The following CA13 variants were observed in gnomAD, a reference collection of about 807,000 sequenced individuals.
The protein encoded by CA13 is carbonic anhydrase 13.
Under a neutral mutation model 31.5 loss-of-function variants are expected in CA13, and 21 were observed. The ratio of observed to expected loss-of-function variants is 0.67; its 90% CI spans 0.47 to 0.96. CA13 has a LOEUF of 0.96. CA13 is among the 40% of genes least tolerant of loss of function. The pLI is 0.00. For missense variants in CA13, 315 were observed against 318.9 expected (o/e 0.99, Z 0.09); for synonymous variants, 117 against 111.4 (o/e 1.05, Z -0.32).
At chr8:85,245,968 G>A in intron 1 of CA13, 103 bp downstream of exon 1, 1 of 1,369,592 alleles carries the variant, frequency 7.3e-7, no homozygotes. Context: ...CGCACATTGA[G>A]AAACTTTTTC....
chr8:85,274,768 C>T (rs1162243186), intron 6 of CA13, among the ~76,000 whole-genome samples: 1 of 152,052 alleles, frequency 6.6e-6, no homozygotes. Flanking sequence ...GTGCAATAAC[C>T]CCATGAACCA....
In CA13 at chr8:85,250,811, A is replaced by G. The variant is rs763178551; in HGVS notation, c.109A>G (p.Lys37Glu). 3 of 1,613,898 alleles carry G rather than the reference A, an allele frequency of 1.9e-6. No homozygotes were observed. The highest frequency in any genetic ancestry group is 1.3e-5 in the African/African-American group (1 of 74,894). Reference sequence around the variant, plus strand: ...GCAATCTCCAATTGAGATTAAAACCAAAGAAGTGAAATATGACTCTTCCCT... The same window carrying G: ...GCAATCTCCAATTGAGATTAAAACCGAAGAAGTGAAATATGACTCTTCCCT... ...DQQSPIEIKT[K>E]EVKYDSSLRP... Residue 37 changes from lysine to glutamate, a missense_variant, in exon 2 of 7, where the codon AAA becomes GAA. Coordinates refer to ENST00000321764, the MANE Select transcript of CA13 (RefSeq NM_198584.3).
At chr8:85,276,259 C>G (rs951418798) in intron 6 of CA13, among the ~76,000 whole-genome samples, 3 of 152,316 alleles carry the variant, frequency 2.0e-5, no homozygotes, top group Admixed American at 1.3e-4. Flanking sequence ...CCTTCCTCCC[C>G]CCGGGGCAGG....
intron 6 of CA13, among the ~76,000 whole-genome samples, chr8:85,268,903 G>T (rs1216081136): frequency 6.6e-6 from 1 of 152,084 alleles, no homozygotes; most frequent in Non-Finnish European, 1.5e-5. Context: ...TTGGTTTGTT[G>T]CTGTTTGTTT....
At chr8:85,268,751 G>C in intron 6 of CA13, 124 bp downstream of exon 6, 1 of 820,846 alleles carries the variant, frequency 1.2e-6, no homozygotes, top group Non-Finnish European at 1.9e-6. Flanking sequence ...TTATTCATCA[G>C]ACGGGTCGTT....
rs141771796 is a variant in CA13 at position 85,262,858 on chromosome 8, TC to T, written c.354+3321del. ...GGTTTGAGAGTGAGGGAGGGCAGGATCCATGTTTCTAGGTTGAGATAGGAAA... is the reference window on the plus strand; with the variant it reads ...GGTTTGAGAGTGAGGGAGGGCAGGATCATGTTTCTAGGTTGAGATAGGAAA... On this transcript the variant is annotated intron_variant, in intron 3 of 6. Transcript: ENST00000321764. 7.7e-3 allele frequency among the ~76,000 whole-genome samples: 1,165 copies of T among 152,032 alleles called. 13 individuals carry two copies. Among genetic ancestry groups the T allele is most frequent in the African/African-American group, 0.025 (1,051 of 41,478 alleles).
At chr8:85,256,976 G>A (rs76225715) in intron 2 of CA13, among the ~76,000 whole-genome samples, 1 of 152,002 alleles carries the variant, frequency 6.6e-6, no homozygotes, top group East Asian at 1.9e-4. Context: ...TCTTTGTCTT[G>A]GTATAATCCT....
intron 1 of CA13, chr8:85,246,311 A>G (rs1486877422): frequency 4.4e-6 from 2 of 455,728 alleles, no homozygotes; most frequent in South Asian, 1.6e-5. Context: ...CTTTAAAAAT[A>G]TATTTAGGAA....
chr8:85,278,049 C>T (rs1807641347), intron 6 of CA13, among the ~76,000 whole-genome samples: 1 of 151,450 alleles, frequency 6.6e-6, no homozygotes, highest in Admixed American at 6.6e-5. Context: ...TCACTTGAGG[C>T]CAGGAGTTCA....
chr8:85,250,192 G>A (rs925591357), intron 1 of CA13, among the ~76,000 whole-genome samples: 14 of 152,136 alleles, frequency 9.2e-5, no homozygotes, highest in Admixed American at 9.2e-4. Context: ...TGTTTCCTTG[G>A]TATGCCTGTT....
chr8:85,257,402 T>C (rs1024282558), intron 2 of CA13, among the ~76,000 whole-genome samples: 7 of 152,110 alleles, frequency 4.6e-5, no homozygotes, highest in African/African-American at 1.7e-4. Context: ...TGGCCAGGGT[T>C]AGCAAATTAC....
Position 85,281,314 on chromosome 8 carries a change from C to A in CA13, c.754C>A (p.Leu252Ile), listed in dbSNP as rs781215231. 2.0e-5 allele frequency: 32 copies of A among 1,613,902 alleles called. No individual in the cohort carries two copies. The highest frequency in any genetic ancestry group is 2.4e-5 in the Non-Finnish European group (28 of 1,179,960). ...LVSNHRPPQP[L>I]KGRKVRASFH Reference sequence around the variant, plus strand: ...GAGCAATCACCGCCCACCACAGCCTCTAAAGGGCCGCAAAGTGAGAGCCTC... The same window carrying A: ...GAGCAATCACCGCCCACCACAGCCTATAAAGGGCCGCAAAGTGAGAGCCTC... Residue 252 changes from leucine (L) to isoleucine (I), a missense_variant, in exon 7 of 7, where the codon CTA becomes ATA. Transcript: ENST00000321764.
intron 6 of CA13, among the ~76,000 whole-genome samples, chr8:85,272,273 T>A (rs900521811): frequency 2.0e-5 from 3 of 152,010 alleles, no homozygotes; most frequent in African/African-American, 7.3e-5. Context: ...ATTTTTTTCC[T>A]GAGACAGAGT....
chr8:85,256,912 C>T (rs1390340798), intron 2 of CA13, among the ~76,000 whole-genome samples: 2 of 152,076 alleles, frequency 1.3e-5, no homozygotes, highest in Admixed American at 6.6e-5. Flanking sequence ...ATACAAGGTC[C>T]TACTGAGTGG....
intron 6 of CA13, 41 bp downstream of exon 6, chr8:85,268,668 G>T: frequency 1.4e-6 from 2 of 1,453,748 alleles, no homozygotes; most frequent in Non-Finnish European, 1.8e-6. Context: ...TCCCTCAGAG[G>T]AAACTGGGCT....
chr8:85,265,462 A>C (rs911828543), intron 3 of CA13, among the ~76,000 whole-genome samples: 10 of 152,148 alleles, frequency 6.6e-5, no homozygotes, highest in Non-Finnish European at 2.9e-5. Context: ...GGATACCTTT[A>C]GGTGTTGCAT....
chr8:85,249,132 G>C, intron 1 of CA13, among the ~76,000 whole-genome samples: 1 of 152,178 alleles, frequency 6.6e-6, no homozygotes, highest in East Asian at 1.9e-4. Flanking sequence ...TTTTGTGCCT[G>C]AAGCATATAT....
chr8:85,275,120 G>A (rs577781041), intron 6 of CA13, among the ~76,000 whole-genome samples: 2 of 152,290 alleles, frequency 1.3e-5, no homozygotes, highest in African/African-American at 4.8e-5. Flanking sequence ...CATAAGGGTT[G>A]TGGTGTTTGT....
chr8:85,278,348 T>A (rs1271415894), intron 6 of CA13, among the ~76,000 whole-genome samples: 1 of 150,810 alleles, frequency 6.6e-6, no homozygotes, highest in Non-Finnish European at 1.5e-5. Flanking sequence ...GGTCCAGGGA[T>A]CTGAATTTTT....
Sources: gnomAD v4.1 joint callset for allele counts (sites outside exome capture counted in the v4.1 genomes callset) on GRCh38, gnomAD v4.1.1 for gene constraint, MANE v1.5 for transcripts, NCBI Gene and HGNC (gene_info 2026-07-23, HGNC 2026-07-21) for gene names.